Variants in NCKAP5 observed in about 807,000 individuals in gnomAD.
NCKAP5 encodes NCK associated protein 5, also known as nck-associated protein 5.
Under a neutral mutation model 167.0 loss-of-function variants are expected in NCKAP5, and 92 were observed. The ratio of observed to expected loss-of-function variants is 0.55; its 90% CI spans 0.47 to 0.66. The LOEUF (loss-of-function observed/expected upper bound fraction) is 0.66, where lower values mean the gene tolerates loss of function less well. Ranked by LOEUF, NCKAP5 falls within the 30% of genes least tolerant of loss-of-function variation. NCKAP5 has a pLI of 0.00. For missense variants in NCKAP5, 2,378 were observed against 2,315.0 expected (o/e 1.03, Z -0.56); for synonymous variants, 891 against 877.4 (o/e 1.02, Z -0.27).
At chr2:132,757,465 T>C (rs1680646450) in intron 16 of NCKAP5, among the ~76,000 whole-genome samples, 1 of 152,210 alleles carries the variant, frequency 6.6e-6, no homozygotes, top group Non-Finnish European at 1.5e-5. Flanking sequence ...TCCCATTTTC[T>C]ATTTCTCTGG....
At chr2:132,896,008 A>G (rs1410029718) in intron 8 of NCKAP5, among the ~76,000 whole-genome samples, 2 of 151,920 alleles carry the variant, frequency 1.3e-5, no homozygotes, top group Admixed American at 6.6e-5. Context: ...GGTGGGAAGC[A>G]CCTGTAACCC....
chr2:132,952,661 C>A (rs908007920), intron 8 of NCKAP5, among the ~76,000 whole-genome samples: 1 of 152,156 alleles, frequency 6.6e-6, no homozygotes, highest in Non-Finnish European at 1.5e-5. Flanking sequence ...ACCTAAATTG[C>A]AGACAAGTTC....
At chr2:133,428,738 CA>C (rs1426875749) in intron 3 of NCKAP5, among the ~76,000 whole-genome samples, 2 of 151,982 alleles carry the variant, frequency 1.3e-5, no homozygotes, top group Non-Finnish European at 2.9e-5. Flanking sequence ...GCAAAGAATA[CA>C]AACACACAAT....
intron 5 of NCKAP5, among the ~76,000 whole-genome samples, chr2:133,144,600 G>C (rs1574170808): frequency 6.6e-6 from 1 of 152,112 alleles, no homozygotes; most frequent in South Asian, 2.1e-4. Flanking sequence ...AATTAAGTGT[G>C]TGTTTTCTAG....
the NCKAP5 span, among the ~76,000 whole-genome samples, chr2:133,575,622 A>T: frequency 6.6e-6 from 1 of 152,216 alleles, no homozygotes; most frequent in African/African-American, 2.4e-5. Context: ...GAGTGTTACA[A>T]TAGCAATAGA....
At chr2:133,328,688 G>A (rs1361542244) in intron 3 of NCKAP5, among the ~76,000 whole-genome samples, 1 of 152,106 alleles carries the variant, frequency 6.6e-6, no homozygotes, top group Non-Finnish European at 1.5e-5. Context: ...AGGAGTGAAA[G>A]CACCTAACCT....
intron 5 of NCKAP5, among the ~76,000 whole-genome samples, chr2:133,167,450 C>T (rs142365475): frequency 6.6e-6 from 1 of 152,154 alleles, no homozygotes; most frequent in Admixed American, 6.5e-5. Flanking sequence ...CTTTAGTTCA[C>T]AAATCATATT....
intron 6 of NCKAP5, among the ~76,000 whole-genome samples, chr2:133,056,094 G>T (rs1421853885): frequency 6.6e-6 from 1 of 152,088 alleles, no homozygotes. Flanking sequence ...AAAGTTATAT[G>T]ATTGAATATT....
chr2:133,370,898 G>T (rs968811021), intron 3 of NCKAP5, among the ~76,000 whole-genome samples: 7 of 152,050 alleles, frequency 4.6e-5, no homozygotes, highest in Non-Finnish European at 7.4e-5. Context: ...AGTGTTGCAG[G>T]TCTTCAAATG....
At chr2:132,762,196 A>G (rs1175774783) in intron 16 of NCKAP5, among the ~76,000 whole-genome samples, 1 of 150,316 alleles carries the variant, frequency 6.7e-6, no homozygotes, top group Non-Finnish European at 1.5e-5. Flanking sequence ...GGCAACTTAC[A>G]TAAAACACCC....
chr2:133,133,961 C>T (rs1222430307), intron 5 of NCKAP5, among the ~76,000 whole-genome samples: 5 of 152,176 alleles, frequency 3.3e-5, no homozygotes, highest in Admixed American at 3.3e-4. Flanking sequence ...TGTAACATTT[C>T]TTTTAAAAGT....
At chr2:133,510,172 A>C (rs943037796) in intron 3 of NCKAP5, among the ~76,000 whole-genome samples, 2 of 152,018 alleles carry the variant, frequency 1.3e-5, no homozygotes, top group African/African-American at 4.8e-5. Context: ...GTGGCCCAGC[A>C]GAGGGAATGT....
At chr2:133,005,674 T>C (rs2077940776) in intron 6 of NCKAP5, among the ~76,000 whole-genome samples, 1 of 152,172 alleles carries the variant, frequency 6.6e-6, no homozygotes, top group Non-Finnish European at 1.5e-5. Flanking sequence ...TCTATTATTT[T>C]GGGGATAGAT....
the NCKAP5 span, among the ~76,000 whole-genome samples, chr2:133,627,206 C>G: frequency 2.6e-5 from 4 of 151,470 alleles, no homozygotes; most frequent in African/African-American, 7.3e-5. Flanking sequence ...ACACCCAAAT[C>G]AATAAGAAAA....
At chr2:133,111,980 A>G (rs6713122) in intron 6 of NCKAP5, among the ~76,000 whole-genome samples, 78,744 of 152,022 alleles carry the variant, frequency 0.52, 21,415 homozygotes, top group African/African-American at 0.69. Context: ...GTAAATTAAA[A>G]GAATACATGA....
chr2:133,125,221 T>C (rs2082366144), intron 6 of NCKAP5, among the ~76,000 whole-genome samples: 1 of 141,362 alleles, frequency 7.1e-6, no homozygotes, highest in Admixed American at 6.8e-5. Flanking sequence ...TACTCTACCT[T>C]TTTTTTTTTT....
At chr2:133,170,820 G>A (rs570454649) in intron 5 of NCKAP5, among the ~76,000 whole-genome samples, 2 of 151,944 alleles carry the variant, frequency 1.3e-5, no homozygotes, top group African/African-American at 4.8e-5. Context: ...TTTCTTTTTG[G>A]CCCTGAGACA....
chr2:133,215,626 C>T (rs1163936161), intron 4 of NCKAP5, among the ~76,000 whole-genome samples: 1 of 152,024 alleles, frequency 6.6e-6, no homozygotes, highest in Admixed American at 6.6e-5. Context: ...TGATGGAATA[C>T]TATACAACAC....
intron 6 of NCKAP5, among the ~76,000 whole-genome samples, chr2:133,091,205 T>C (rs977755596): frequency 6.6e-6 from 1 of 152,164 alleles, no homozygotes; most frequent in African/African-American, 2.4e-5. Context: ...CCTCTTTTCT[T>C]TATAAATTAC....
Sources: allele counts gnomAD v4.1 joint callset (sites outside exome capture counted in the v4.1 genomes callset), GRCh38; gene constraint gnomAD v4.1.1; transcripts MANE v1.5; gene names NCBI Gene and HGNC (gene_info 2026-07-23, HGNC 2026-07-21).